Variants in PPP2R2B observed in about 807,000 individuals in gnomAD.
The protein encoded by PPP2R2B is protein phosphatase 2 regulatory subunit Bbeta, also known as serine/threonine-protein phosphatase 2A 55 kDa regulatory subunit B beta isoform.
PPP2R2B carries 5 observed loss-of-function variants against 46.0 expected under a neutral mutation model. The observed-to-expected ratio is 0.11, with a 90% CI of 0.06 to 0.23. The LOEUF is 0.23. PPP2R2B is among the 10% of genes least tolerant of loss of function. PPP2R2B has a pLI of 1.00. For synonymous variants in PPP2R2B, 215 were observed against 206.7 expected (o/e 1.04, Z -0.34); for missense variants, 367 against 575.0 (o/e 0.64, Z 3.70).
At chr5:146,768,865 C>T (rs927592003) in intron 2 of PPP2R2B, among the ~76,000 whole-genome samples, 5 of 150,542 alleles carry the variant, frequency 3.3e-5, no homozygotes, top group South Asian at 2.1e-4. Flanking sequence ...ACTATCTTAT[C>T]GTCAGGCAAA....
chr5:146,943,222 T>C (rs1310645230), intron 1 of PPP2R2B, among the ~76,000 whole-genome samples: 10 of 152,222 alleles, frequency 6.6e-5, no homozygotes. Context: ...CTGAGTTTTA[T>C]TTCTTTATTA....
chr5:147,061,525 A>G (rs1757257544), intron 2 of PPP2R2B, among the ~76,000 whole-genome samples: 1 of 152,190 alleles, frequency 6.6e-6, no homozygotes, highest in Non-Finnish European at 1.5e-5. Context: ...TAAGCTCTAC[A>G]GGGACACAGG....
chr5:146,884,923 A>C (rs531573109), intron 1 of PPP2R2B, among the ~76,000 whole-genome samples: 1 of 152,348 alleles, frequency 6.6e-6, no homozygotes, highest in Admixed American at 6.5e-5. Context: ...ACCACTTTAC[A>C]GAATTTATTC....
At chr5:147,022,744 A>T (rs763423021) in intron 1 of PPP2R2B, among the ~76,000 whole-genome samples, 1 of 152,124 alleles carries the variant, frequency 6.6e-6, no homozygotes, top group Non-Finnish European at 1.5e-5. Context: ...AGGAATACAC[A>T]TTAAGAATTA....
intron 1 of PPP2R2B, among the ~76,000 whole-genome samples, chr5:146,943,352 G>T (rs1057027868): frequency 3.3e-5 from 5 of 152,094 alleles, no homozygotes; most frequent in African/African-American, 1.2e-4. Flanking sequence ...ACAGAAAAAT[G>T]CATACTCAAA....
chr5:146,644,819 T>C (rs1561799176), intron 6 of PPP2R2B, among the ~76,000 whole-genome samples: 2 of 152,334 alleles, frequency 1.3e-5, no homozygotes. Context: ...ATATTCCTTC[T>C]TCTGAAGGAA....
At position 146,584,790 on chromosome 5, in the gene PPP2R2B, T is replaced by C. The variant is rs1581642487; in HGVS notation, c.*5157A>G. 2 of 152,314 alleles carry C rather than the reference T, an allele frequency of 1.3e-5. No homozygotes were observed. Among genetic ancestry groups the C allele is most frequent in the South Asian group, 4.1e-4 (2 of 4,824 alleles). The allele number at this position is 152,314 out of a possible 1,614,324, so 9.4% of individuals were successfully genotyped here. On this transcript the variant is annotated 3_prime_UTR_variant, in exon 10 of 10. Transcript: ENST00000394411. ...ACAAAAGGAAAAAGGGGTAGGCTAG[T>C]TCTAGTATGTCGAAAATGTGTTTCT...
chr5:146,744,208 C>T (rs897429671), intron 2 of PPP2R2B, among the ~76,000 whole-genome samples: 1 of 152,084 alleles, frequency 6.6e-6, no homozygotes, highest in Non-Finnish European at 1.5e-5. Context: ...CCACACCATC[C>T]CCTGCCCCCA....
intron 2 of PPP2R2B, among the ~76,000 whole-genome samples, chr5:146,734,693 C>T (rs943309800): frequency 1.3e-5 from 2 of 152,150 alleles, no homozygotes; most frequent in African/African-American, 4.8e-5. Context: ...ATCTTTCAAA[C>T]TGAGACCCTC....
chr5:146,727,333 T>A (rs1421000604), intron 2 of PPP2R2B, among the ~76,000 whole-genome samples: 1 of 151,984 alleles, frequency 6.6e-6, no homozygotes, highest in Non-Finnish European at 1.5e-5. Context: ...AAAATTTTAT[T>A]TTTAATTGAT....
intron 2 of PPP2R2B, among the ~76,000 whole-genome samples, chr5:146,834,000 TA>T (rs1234083531): frequency 6.6e-6 from 1 of 152,148 alleles, no homozygotes; most frequent in African/African-American, 2.4e-5. Context: ...AACGTGGCTC[TA>T]AAATGTCCTT....
chr5:147,018,860 C>G (rs1163936341), intron 1 of PPP2R2B, among the ~76,000 whole-genome samples: 1 of 152,162 alleles, frequency 6.6e-6, no homozygotes, highest in Admixed American at 6.6e-5. Flanking sequence ...TAAAGACAGA[C>G]ATCAGGCAAA....
chr5:146,780,246 C>A (rs1347377467), intron 2 of PPP2R2B, among the ~76,000 whole-genome samples: 1 of 152,158 alleles, frequency 6.6e-6, no homozygotes, highest in Non-Finnish European at 1.5e-5. Flanking sequence ...TAATAAATAT[C>A]TGTTGACTGC....
chr5:146,949,553 T>A (rs1382446545), intron 1 of PPP2R2B, among the ~76,000 whole-genome samples: 3 of 152,040 alleles, frequency 2.0e-5, no homozygotes, highest in Non-Finnish European at 2.9e-5. Context: ...GGCAAGCCTC[T>A]TATGCTGTTG....
chr5:147,072,793 C>G (rs990578435), intron 2 of PPP2R2B, among the ~76,000 whole-genome samples: 1 of 152,136 alleles, frequency 6.6e-6, no homozygotes, highest in Non-Finnish European at 1.5e-5. Context: ...TGGCAATCAC[C>G]CAGGGAACCT....
intron 2 of PPP2R2B, among the ~76,000 whole-genome samples, chr5:146,773,154 A>G (rs1284200815): frequency 6.6e-6 from 1 of 152,228 alleles, no homozygotes; most frequent in Non-Finnish European, 1.5e-5. Context: ...ACAGAAACAC[A>G]TTACTTCCCT....
At chr5:146,719,315 C>T (rs565772711) in intron 2 of PPP2R2B, among the ~76,000 whole-genome samples, 3 of 152,296 alleles carry the variant, frequency 2.0e-5, no homozygotes, top group African/African-American at 7.2e-5. Flanking sequence ...CACATAAGCA[C>T]TAAATGTTAG....
At chr5:146,651,629 T>TA (rs1013216908) in intron 5 of PPP2R2B, among the ~76,000 whole-genome samples, 2 of 151,912 alleles carry the variant, frequency 1.3e-5, no homozygotes, top group African/African-American at 4.8e-5. Flanking sequence ...GGGAACAAAC[T>TA]AAAAAAACAC....
At chr5:146,710,873 A>C (rs1425693451) in intron 2 of PPP2R2B, among the ~76,000 whole-genome samples, 1 of 152,246 alleles carries the variant, frequency 6.6e-6, no homozygotes. Flanking sequence ...GGCATCTGGC[A>C]CATGTTTGGT....
Sources: allele counts gnomAD v4.1 joint callset (sites outside exome capture counted in the v4.1 genomes callset), GRCh38; gene constraint gnomAD v4.1.1; transcripts MANE v1.5; gene names NCBI Gene and HGNC (gene_info 2026-07-23, HGNC 2026-07-21).